Variants in BICD2 observed in about 807,000 individuals in gnomAD.
The protein encoded by BICD2 is protein bicaudal D homolog 2.
BICD2 carries 25 observed loss-of-function variants against 72.9 expected under a neutral mutation model. The ratio of observed to expected loss-of-function variants is 0.34; its 90% CI spans 0.25 to 0.48. The LOEUF is 0.48. Ranked by LOEUF, BICD2 falls within the 20% of genes least tolerant of loss-of-function variation. The pLI is 0.99. For synonymous variants in BICD2, 501 were observed against 516.1 expected, an observed-to-expected ratio of 0.97 and a Z score of 0.40; for missense variants, 894 against 1,175.2, an observed-to-expected ratio of 0.76 and a Z score of 3.50.
chr9:92,746,150 C>T (rs958669372), intron 1 of BICD2, among the ~76,000 whole-genome samples: 12 of 152,156 alleles, frequency 7.9e-5, no homozygotes. Flanking sequence ...TGGCAAAGCA[C>T]GAGTGAAAGG....
chr9:92,737,277 T>G (rs1295447628), intron 1 of BICD2, among the ~76,000 whole-genome samples: 1 of 152,180 alleles, frequency 6.6e-6, no homozygotes, highest in Non-Finnish European at 1.5e-5. Context: ...CCAGAGCCTA[T>G]GTGGCCTCCT....
At chr9:92,727,328 G>GCTC (rs1386660018) in intron 2 of BICD2, among the ~76,000 whole-genome samples, 1 of 152,214 alleles carries the variant, frequency 6.6e-6, no homozygotes, top group Non-Finnish European at 1.5e-5. Flanking sequence ...AGAGGGTGGT[G>GCTC]CTCCTGTGTC....
chr9:92,757,336 A>AAAAAC (rs1854282339), intron 1 of BICD2, among the ~76,000 whole-genome samples: 1 of 128,158 alleles, frequency 7.8e-6, no homozygotes, highest in South Asian at 2.9e-4. Context: ...AAAAAAAAAA[A>AAAAAC]AAATTGAGAA....
Position 92,764,497 on chromosome 9 carries a change from C to T in BICD2, c.240+8G>A. 1 of 1,506,096 alleles carries T rather than the reference C, an allele frequency of 6.6e-7. No individual in the cohort carries two copies. The highest frequency in any genetic ancestry group is 1.2e-5 in the South Asian group (1 of 80,234). 93.3% of individuals were successfully genotyped at this position (1,506,096 alleles called of 1,614,324 possible). ...GCGGGGGTCGCAGGGCAGGGCGGCTCGGCTCACCTCCTTGAGCTGCTCCAT... is the reference window on the plus strand; with the variant it reads ...GCGGGGGTCGCAGGGCAGGGCGGCTTGGCTCACCTCCTTGAGCTGCTCCAT... On this transcript the variant is annotated splice_region_variant and intron_variant, in intron 1 of 6. Transcript: ENST00000356884. This position sits in a 1 kb window ranked among gnomAD's most constrained non-coding sequence, Gnocchi z 5.5.
chr9:92,732,084 G>A (rs1288697682), intron 1 of BICD2, among the ~76,000 whole-genome samples: 1 of 152,194 alleles, frequency 6.6e-6, no homozygotes, highest in East Asian at 1.9e-4. Flanking sequence ...CCACTGGCTG[G>A]CATCCCGTCA....
Position 92,722,908 on chromosome 9 carries a change from C to T in BICD2, c.454-100G>A, listed in dbSNP as rs190505315. 4.2e-4 allele frequency: 620 copies of T among 1,461,782 alleles called. 6 individuals carry two copies. In the African/African-American group the frequency reaches 7.5e-3, roughly 18 times the overall value. 90.6% of individuals were successfully genotyped at this position (1,461,782 alleles called of 1,614,324 possible). On this transcript the variant is annotated intron_variant, in intron 2 of 6. Transcript: ENST00000356884. Reference sequence around the variant, plus strand: ...GCCATGGCCAGCCATACAGCCAGAACTCAAGAGCCCTGGCCTGCAGGTGCC... The same window carrying T: ...GCCATGGCCAGCCATACAGCCAGAATTCAAGAGCCCTGGCCTGCAGGTGCC...
chr9:92,742,232 G>A (rs769960650), intron 1 of BICD2, among the ~76,000 whole-genome samples: 4 of 152,038 alleles, frequency 2.6e-5, no homozygotes, highest in Non-Finnish European at 5.9e-5. Flanking sequence ...GATTTAGCAA[G>A]CAAAAAGACT....
intron 3 of BICD2, among the ~76,000 whole-genome samples, chr9:92,721,693 A>G (rs1362407002): frequency 6.6e-6 from 1 of 152,186 alleles, no homozygotes. Flanking sequence ...GAGGAATCCC[A>G]GAGAGGGAGA....
chr9:92,740,507 C>T (rs544757539), intron 1 of BICD2, among the ~76,000 whole-genome samples: 3 of 151,460 alleles, frequency 2.0e-5, no homozygotes, highest in South Asian at 2.1e-4. Context: ...TTCAGGATCA[C>T]GGCCAAAGCA....
chr9:92,749,856 G>T (rs892459177), intron 1 of BICD2, among the ~76,000 whole-genome samples: 17 of 152,244 alleles, frequency 1.1e-4, no homozygotes, highest in African/African-American at 4.1e-4. Flanking sequence ...CTTGTAGTCA[G>T]GGCAAGAGGG....
intron 1 of BICD2, among the ~76,000 whole-genome samples, chr9:92,763,977 G>A (rs946502383): frequency 2.6e-5 from 4 of 152,202 alleles, no homozygotes; most frequent in Admixed American, 6.5e-5. Flanking sequence ...CCCCACCTCG[G>A]AGGCACTCAT....
At chr9:92,757,401 TAAC>T (rs745903017) in intron 1 of BICD2, among the ~76,000 whole-genome samples, 1 of 148,118 alleles carries the variant, frequency 6.8e-6, no homozygotes, top group Non-Finnish European at 1.5e-5. Context: ...AGAAACAAAG[TAAC>T]TGTAAAATGA....
intron 1 of BICD2, among the ~76,000 whole-genome samples, chr9:92,749,151 T>C (rs1854091320): frequency 2.0e-5 from 3 of 151,996 alleles, no homozygotes. Context: ...GTGGGGCCTC[T>C]TGAGGACTGG....
At chr9:92,739,269 C>T (rs573812321) in intron 1 of BICD2, among the ~76,000 whole-genome samples, 1 of 152,328 alleles carries the variant, frequency 6.6e-6, no homozygotes, top group African/African-American at 2.4e-5. Flanking sequence ...CACTTATTAG[C>T]GCTTACTGCA....
In BICD2 at chr9:92,715,454, C is replaced by A; in HGVS notation, c.2268G>T (p.Glu756Asp). Reference protein sequence around the residue: ...LRAMFATRCDEYITQLDEMQR... With the variant: ...LRAMFATRCDDYITQLDEMQR... Reference sequence around the variant, plus strand: ...GCATCTCATCCAGCTGTGTAATGTACTCGTCACACCTGTGGGTACCAAAAA... The same window carrying A: ...GCATCTCATCCAGCTGTGTAATGTAATCGTCACACCTGTGGGTACCAAAAA... Residue 756 changes from glutamate (E) to aspartate (D), a missense_variant, in exon 7 of 7, where the codon GAG becomes GAT. Glu to Asp is a conservative substitution (Grantham distance 45). This residue lies in a region of BICD2 where 321 missense variants were observed against 443.9 expected (regional missense o/e 0.72). Coordinates refer to ENST00000356884, the MANE Select transcript of BICD2 (RefSeq NM_001003800.2). The A allele has an allele frequency of 6.3e-7, 1 of 1,584,594 alleles. No homozygotes were observed. Among genetic ancestry groups the A allele is most frequent in the Non-Finnish European group, 8.6e-7 (1 of 1,159,528 alleles).
chr9:92,743,083 T>C (rs1255768611), intron 1 of BICD2, among the ~76,000 whole-genome samples: 1 of 152,262 alleles, frequency 6.6e-6, no homozygotes. Context: ...CCATTTTATA[T>C]GTTCCCACTT....
At position 92,762,043 on chromosome 9, in the gene BICD2, C is replaced by T. The variant is rs576315461; in HGVS notation, c.240+2462G>A. ...CCACACACTGGGACCAGCAGGCCAG[C>T]GTCCTTCCCTCAACGATCCTATTAT... On this transcript the variant is annotated intron_variant, in intron 1 of 6. Transcript: ENST00000356884. Among the ~76,000 whole-genome samples, 5 of 152,292 alleles carry T rather than the reference C, an allele frequency of 3.3e-5. No individual in the cohort carries two copies. In the South Asian group the frequency reaches 1.0e-3, roughly 32 times the overall value.
intron 1 of BICD2, among the ~76,000 whole-genome samples, chr9:92,737,837 G>A (rs1024634918): frequency 6.6e-6 from 1 of 152,236 alleles, no homozygotes; most frequent in Non-Finnish European, 1.5e-5. Context: ...CAGGTGATCA[G>A]AGCCTGGGAG....
intron 1 of BICD2, among the ~76,000 whole-genome samples, chr9:92,761,914 G>T (rs1242991220): frequency 2.0e-5 from 3 of 152,182 alleles, no homozygotes; most frequent in African/African-American, 7.2e-5. Flanking sequence ...GTGCTATGTT[G>T]TCAGCAGGAC....
Sources: gnomAD v4.1 joint callset for allele counts (sites outside exome capture counted in the v4.1 genomes callset) on GRCh38, gnomAD v4.1.1 for gene constraint, gnomAD v4.1.1 regional missense constraint, Gnocchi (gnomAD v3.1) non-coding constraint, MANE v1.5 for transcripts, NCBI Gene and HGNC (gene_info 2026-07-23, HGNC 2026-07-21) for gene names.